Variants in MACROD2 observed in about 807,000 individuals in gnomAD.
The protein encoded by MACROD2 is mono-ADP ribosylhydrolase 2, also known as ADP-ribose glycohydrolase MACROD2.
In MACROD2, 36 loss-of-function variants were observed where a neutral mutation model predicts 70.4. The observed-to-expected ratio is 0.51, with a 90% confidence interval of 0.39 to 0.68. The LOEUF (loss-of-function observed/expected upper bound fraction) is 0.68, where lower values mean the gene tolerates loss of function less well. MACROD2 is among the 30% of genes least tolerant of loss of function. The pLI is 0.00. For synonymous variants in MACROD2, 172 were observed against 178.8 expected (o/e 0.96, Z 0.30); for missense variants, 496 against 538.4 (o/e 0.92, Z 0.78).
At chr20:14,926,122 G>A (rs2074227716) in intron 5 of MACROD2, among the ~76,000 whole-genome samples, 1 of 152,168 alleles carries the variant, frequency 6.6e-6, no homozygotes. Context: ...CTTTTTCCCA[G>A]GCTGTCCTGT....
chr20:15,084,072 G>GTTTTTGTTTTTTTTTTTTTTT (rs760667936), intron 5 of MACROD2, among the ~76,000 whole-genome samples: 1 of 31,774 alleles, frequency 3.1e-5, no homozygotes. Flanking sequence ...TTTTTTTTTT[G>GTTTTTGTTTTTTTTTTTTTTT]TTTTTTTTTT....
chr20:15,202,162 A>C (rs2076662168), intron 5 of MACROD2, among the ~76,000 whole-genome samples: 1 of 152,212 alleles, frequency 6.6e-6, no homozygotes, highest in South Asian at 2.1e-4. Flanking sequence ...TAAAAAGTAG[A>C]CTATGCCGAA....
intron 10 of MACROD2, among the ~76,000 whole-genome samples, chr20:15,913,178 C>T (rs2065261432): frequency 6.6e-6 from 1 of 151,904 alleles, no homozygotes; most frequent in Non-Finnish European, 1.5e-5. Context: ...ATTATTATTT[C>T]TTCTGGAGAA....
intron 3 of MACROD2, among the ~76,000 whole-genome samples, chr20:14,449,867 C>G (rs141920150): frequency 6.6e-6 from 1 of 152,052 alleles, no homozygotes; most frequent in African/African-American, 2.4e-5. Flanking sequence ...ACTGTGACAT[C>G]TGTGCTTGCA....
intron 6 of MACROD2, among the ~76,000 whole-genome samples, chr20:15,306,192 G>A (rs1345586384): frequency 6.6e-6 from 1 of 152,172 alleles, no homozygotes; most frequent in Non-Finnish European, 1.5e-5. Context: ...GCTAACTACT[G>A]ATAGGTATTT....
At chr20:15,572,088 C>G (rs1325812377) in intron 8 of MACROD2, among the ~76,000 whole-genome samples, 1 of 152,038 alleles carries the variant, frequency 6.6e-6, no homozygotes, top group Non-Finnish European at 1.5e-5. Flanking sequence ...GGTAAACACC[C>G]CTTTCACAAA....
chr20:15,670,913 C>T (rs912955335), intron 8 of MACROD2, among the ~76,000 whole-genome samples: 1 of 152,190 alleles, frequency 6.6e-6, no homozygotes, highest in African/African-American at 2.4e-5. Context: ...TTAGTTTTAT[C>T]ACTTCTCTTA....
At chr20:15,270,059 G>T (rs1233653603) in intron 6 of MACROD2, among the ~76,000 whole-genome samples, 2 of 151,832 alleles carry the variant, frequency 1.3e-5, no homozygotes, top group African/African-American at 4.8e-5. Flanking sequence ...CACTAATGTG[G>T]ACTATGAACT....
At chr20:15,809,682 C>T (rs771478803) in intron 8 of MACROD2, among the ~76,000 whole-genome samples, 2 of 152,094 alleles carry the variant, frequency 1.3e-5, no homozygotes, top group African/African-American at 2.4e-5. Flanking sequence ...AAACACCTCC[C>T]GTTAGGCCCC....
chr20:15,643,980 T>C (rs1034120912), intron 8 of MACROD2, among the ~76,000 whole-genome samples: 16 of 152,268 alleles, frequency 1.1e-4, no homozygotes, highest in African/African-American at 3.6e-4. Context: ...GGATAATGCC[T>C]CTCTCCCTTT....
At chr20:14,132,168 C>A (rs933369230) in intron 3 of MACROD2, among the ~76,000 whole-genome samples, 2 of 150,652 alleles carry the variant, frequency 1.3e-5, no homozygotes, top group Admixed American at 1.3e-4. Flanking sequence ...ACCTCAGCCT[C>A]CAGAGTAGCT....
chr20:14,913,960 A>C (rs1445755370), intron 5 of MACROD2, among the ~76,000 whole-genome samples: 1 of 152,162 alleles, frequency 6.6e-6, no homozygotes, highest in Admixed American at 6.5e-5. Flanking sequence ...AGCGCAAGGC[A>C]GCTAAGTGGT....
chr20:14,963,199 A>T (rs901305050), intron 5 of MACROD2, among the ~76,000 whole-genome samples: 1 of 152,134 alleles, frequency 6.6e-6, no homozygotes, highest in African/African-American at 2.4e-5. Flanking sequence ...TGAGTACCGT[A>T]GTAGTACAGC....
intron 5 of MACROD2, among the ~76,000 whole-genome samples, chr20:14,962,069 C>T (rs2074588064): frequency 6.6e-6 from 1 of 152,130 alleles, no homozygotes; most frequent in African/African-American, 2.4e-5. Flanking sequence ...CCTCTGCTTC[C>T]CAGTTTCAAG....
At chr20:14,242,330 G>A (rs1331582252) in intron 3 of MACROD2, among the ~76,000 whole-genome samples, 3 of 152,128 alleles carry the variant, frequency 2.0e-5, no homozygotes, top group Non-Finnish European at 2.9e-5. Context: ...TAGAATTTAA[G>A]TTTTGAGGAT....
chr20:15,827,263 C>G (rs145719779), intron 8 of MACROD2, among the ~76,000 whole-genome samples: 7 of 152,106 alleles, frequency 4.6e-5, no homozygotes, highest in African/African-American at 1.7e-4. Flanking sequence ...ATGATTTATA[C>G]CCAATTCAAG....
chr20:15,251,763 G>A (rs1243706698), intron 6 of MACROD2, among the ~76,000 whole-genome samples: 1 of 152,112 alleles, frequency 6.6e-6, no homozygotes, highest in East Asian at 1.9e-4. Flanking sequence ...TTAAGGGACT[G>A]ATTCTTAATC....
intron 5 of MACROD2, among the ~76,000 whole-genome samples, chr20:15,146,717 A>G (rs963601996): frequency 9.2e-5 from 14 of 152,108 alleles, no homozygotes; most frequent in African/African-American, 2.4e-4. Flanking sequence ...TTTCATTCCT[A>G]TATTTTAGAA....
chr20:14,027,991 C>T (rs528258600), intron 2 of MACROD2, among the ~76,000 whole-genome samples: 2 of 152,224 alleles, frequency 1.3e-5, no homozygotes, highest in Non-Finnish European at 2.9e-5. Context: ...GGAATGTTTA[C>T]TTCTGCTGAA....
Sources: allele counts gnomAD v4.1 joint callset (sites outside exome capture counted in the v4.1 genomes callset), GRCh38; gene constraint gnomAD v4.1.1; transcripts MANE v1.5; gene names NCBI Gene and HGNC (gene_info 2026-07-23, HGNC 2026-07-21).